The following ARK2N variants were observed in gnomAD, a reference collection of about 807,000 sequenced individuals.
ARK2N encodes the protein protein ARK2N.
At chr18:46,202,315 A>G in the ARK2N span, among the ~76,000 whole-genome samples, 1 of 152,196 alleles carries the variant, frequency 6.6e-6, no homozygotes, top group Non-Finnish European at 1.5e-5. Flanking sequence ...TTTGGGTAGC[A>G]TGCACACTAG....
the ARK2N span, among the ~76,000 whole-genome samples, chr18:46,184,553 C>A: frequency 6.6e-5 from 10 of 152,188 alleles, no homozygotes; most frequent in Middle Eastern, 3.2e-3. Flanking sequence ...GAAACTCCGT[C>A]TCTCCTAAAA....
chr18:46,194,788 A>C, the ARK2N span, among the ~76,000 whole-genome samples: 2 of 133,238 alleles, frequency 1.5e-5, no homozygotes, highest in African/African-American at 5.3e-5. Flanking sequence ...GTTTTTATTT[A>C]AATTTAAATT....
the ARK2N span, among the ~76,000 whole-genome samples, chr18:46,255,453 T>TCTTTTC: frequency 7.0e-5 from 9 of 129,384 alleles, no homozygotes; most frequent in African/African-American, 2.0e-4. Flanking sequence ...TTCTTTTTTT[T>TCTTTTC]TTTTTTTTTT....
the ARK2N span, among the ~76,000 whole-genome samples, chr18:46,210,131 G>A: frequency 5.3e-5 from 8 of 152,172 alleles, no homozygotes; most frequent in African/African-American, 1.9e-4. Context: ...GTAGAGAACA[G>A]GTTGGTGCAT....
At chr18:46,246,135 A>G in the ARK2N span, among the ~76,000 whole-genome samples, 1 of 152,184 alleles carries the variant, frequency 6.6e-6, no homozygotes. Flanking sequence ...AAAGATTACT[A>G]CCACTGACAG....
the ARK2N span, chr18:46,262,937 A>C: frequency 6.2e-6 from 10 of 1,614,012 alleles, no homozygotes; most frequent in Admixed American, 3.3e-5. Flanking sequence ...AGGTGTGTTC[A>C]TCCTCGAGGT....
At chr18:46,244,406 A>G in the ARK2N span, among the ~76,000 whole-genome samples, 2 of 152,042 alleles carry the variant, frequency 1.3e-5, no homozygotes, top group African/African-American at 4.8e-5. Flanking sequence ...CATCCTTACA[A>G]TAGGGATGGT....
chr18:46,243,197 G>T, the ARK2N span, among the ~76,000 whole-genome samples: 1 of 152,160 alleles, frequency 6.6e-6, no homozygotes, highest in Non-Finnish European at 1.5e-5. Flanking sequence ...ATATCTGAAT[G>T]TGCTTACAGT....
the ARK2N span, among the ~76,000 whole-genome samples, chr18:46,195,397 C>G: frequency 2.0e-5 from 3 of 149,088 alleles, no homozygotes; most frequent in Admixed American, 2.0e-4. Flanking sequence ...TCCCAGGTAG[C>G]AAGGACCACA....
At chr18:46,252,964 C>G in the ARK2N span, among the ~76,000 whole-genome samples, 8 of 152,220 alleles carry the variant, frequency 5.3e-5, no homozygotes, top group Admixed American at 5.2e-4. Context: ...GAAGTCCTTA[C>G]ATCCCCCAGT....
At chr18:46,204,540 T>C in the ARK2N span, among the ~76,000 whole-genome samples, 1 of 152,236 alleles carries the variant, frequency 6.6e-6, no homozygotes, top group African/African-American at 2.4e-5. Flanking sequence ...ATGGAATTCA[T>C]GAATTATCTA....
At chr18:46,207,697 T>G in the ARK2N span, among the ~76,000 whole-genome samples, 2 of 152,158 alleles carry the variant, frequency 1.3e-5, no homozygotes, top group African/African-American at 4.8e-5. Context: ...CTTCTATACT[T>G]CTTTCACTGC....
the ARK2N span, among the ~76,000 whole-genome samples, chr18:46,215,215 A>G: frequency 9.2e-5 from 14 of 152,172 alleles, no homozygotes; most frequent in Non-Finnish European, 2.1e-4. Flanking sequence ...GCCATTTGGA[A>G]GGCTGAGGCA....
chr18:46,230,085 C>T, the ARK2N span, among the ~76,000 whole-genome samples: 1 of 151,790 alleles, frequency 6.6e-6, no homozygotes, highest in Non-Finnish European at 1.5e-5. Context: ...ACAACTGGCC[C>T]GGCTAATTTT....
chr18:46,189,481 G>C, the ARK2N span, among the ~76,000 whole-genome samples: 79 of 152,140 alleles, frequency 5.2e-4, no homozygotes, highest in South Asian at 0.016. Context: ...TAAAGAGATG[G>C]GGTCTCATTA....
At chr18:46,176,871 C>G in the ARK2N span, among the ~76,000 whole-genome samples, 10 of 152,304 alleles carry the variant, frequency 6.6e-5, 1 homozygote, top group South Asian at 2.1e-3. Flanking sequence ...CCTGCCTCGG[C>G]TCCCAGAGTG....
At chr18:46,258,428 G>A in the ARK2N span, among the ~76,000 whole-genome samples, 1 of 152,124 alleles carries the variant, frequency 6.6e-6, no homozygotes, top group Non-Finnish European at 1.5e-5. Context: ...TATATCAAAA[G>A]TTGACCGTCA....
chr18:46,215,799 GT>G, the ARK2N span: 1 of 1,326,566 alleles, frequency 7.5e-7, no homozygotes, highest in Non-Finnish European at 1.0e-6. Flanking sequence ...GACTTTGTGT[GT>G]TTTTGTACAG....
At chr18:46,175,191 A>G in the ARK2N span, among the ~76,000 whole-genome samples, 4 of 134,132 alleles carry the variant, frequency 3.0e-5, no homozygotes, top group Admixed American at 8.8e-5. Context: ...GAACATCGGT[A>G]CGAGCCCTAC....
Sources: allele counts gnomAD v4.1 joint callset (sites outside exome capture counted in the v4.1 genomes callset), GRCh38; gene constraint gnomAD v4.1.1; transcripts MANE v1.5; gene names NCBI Gene and HGNC (gene_info 2026-07-23, HGNC 2026-07-21).